CUBN: variants seen among roughly 807,000 people sequenced by gnomAD.
CUBN encodes the protein cubilin.
In CUBN, 282 loss-of-function variants were observed where a neutral mutation model predicts 405.3. That is an observed-to-expected ratio of 0.70 (90% CI 0.63 to 0.77). CUBN has a LOEUF of 0.77. Ranked by LOEUF, CUBN falls within the 30% of genes least tolerant of loss-of-function variation. The pLI, the probability that CUBN is intolerant of heterozygous loss-of-function variation, is 0.00. For missense variants in CUBN, 4,514 were observed against 4,475.2 expected, an observed-to-expected ratio of 1.01 and a Z score of -0.25; for synonymous variants, 1,684 against 1,617.0, an observed-to-expected ratio of 1.04 and a Z score of -0.99.
chr10:17,014,463 G>A (rs1049587867), intron 28 of CUBN, among the ~76,000 whole-genome samples: 2 of 152,100 alleles, frequency 1.3e-5, no homozygotes, highest in Non-Finnish European at 2.9e-5. Context: ...GGGATCCACA[G>A]TCAGCAAAAG....
At chr10:17,118,717 G>A (rs1473427783) in intron 6 of CUBN, among the ~76,000 whole-genome samples, 1 of 152,218 alleles carries the variant, frequency 6.6e-6, no homozygotes, top group Non-Finnish European at 1.5e-5. Context: ...GATTACAGGT[G>A]TGAGCCACCG....
chr10:16,891,451 A>G (rs1302926694), intron 54 of CUBN, among the ~76,000 whole-genome samples: 2 of 152,100 alleles, frequency 1.3e-5, no homozygotes, highest in East Asian at 1.9e-4. Context: ...AGAGAAAACC[A>G]AGGAGGAAGG....
chr10:17,103,197 G>C lies in CUBN; in HGVS notation c.1458C>G (p.Ser486Arg), dbSNP rs757839136. ...ESLSGINGSFSYRSPDVGYVH... is the reference protein window; with the variant it reads ...ESLSGINGSFRYRSPDVGYVH... ...CATAACCAACATCCGGGCTCCTGTAGCTGAAGCTTCCATTTATTCCTGAGA... is the reference window on the plus strand; with the variant it reads ...CATAACCAACATCCGGGCTCCTGTACCTGAAGCTTCCATTTATTCCTGAGA... The change falls in exon 13 of 67, where the codon AGC becomes AGG. Residue 486 changes from serine (S) to arginine (R), a missense_variant. By Grantham distance (110) the Ser-to-Arg change is moderately radical. Around this residue, in one of 5 missense-constraint regions of CUBN, gnomAD observed 1,448 missense variants for 1,388.0 expected, o/e 1.04. Transcript: ENST00000377833. 6.2e-7 allele frequency: 1 copy of C among 1,613,786 alleles called. No homozygotes were observed. The highest frequency in any genetic ancestry group is 8.5e-7 in the Non-Finnish European group (1 of 1,179,760).
intron 53 of CUBN, among the ~76,000 whole-genome samples, chr10:16,899,651 A>G (rs1017085605): frequency 6.6e-6 from 1 of 152,202 alleles, no homozygotes; most frequent in Admixed American, 6.5e-5. Context: ...AAGCAATCTG[A>G]TTGATTCATA....
intron 22 of CUBN, among the ~76,000 whole-genome samples, chr10:17,048,156 C>T (rs1182748809): frequency 1.3e-5 from 2 of 152,186 alleles, no homozygotes; most frequent in African/African-American, 4.8e-5. Context: ...TCTCACATCT[C>T]GCAAATGAAG....
chr10:16,837,073 A>G (rs1839193000), intron 62 of CUBN, among the ~76,000 whole-genome samples: 2 of 151,164 alleles, frequency 1.3e-5, no homozygotes, highest in African/African-American at 4.9e-5. Flanking sequence ...CTGCTTGCAA[A>G]ACTCCTGTAA....
chr10:17,014,315 G>T (rs1378264596), intron 28 of CUBN, among the ~76,000 whole-genome samples: 1 of 152,186 alleles, frequency 6.6e-6, no homozygotes, highest in Non-Finnish European at 1.5e-5. Flanking sequence ...AAAGCTTAAA[G>T]CTGGAGCTTT....
chr10:16,862,501 T>C (rs1840049389), intron 59 of CUBN, among the ~76,000 whole-genome samples: 1 of 152,190 alleles, frequency 6.6e-6, no homozygotes, highest in Non-Finnish European at 1.5e-5. Context: ...CCCTGGGATT[T>C]CCTGACAAGT....
intron 60 of CUBN, 56 bp downstream of exon 60, chr10:16,851,179 C>T (rs1474087838): frequency 1.5e-6 from 2 of 1,376,094 alleles, no homozygotes; most frequent in Non-Finnish European, 2.1e-6. Flanking sequence ...AACTGGAATA[C>T]ACTATATTAG....
intron 28 of CUBN, among the ~76,000 whole-genome samples, chr10:17,014,179 T>C (rs1160538463): frequency 6.6e-6 from 1 of 152,218 alleles, no homozygotes; most frequent in Non-Finnish European, 1.5e-5. Context: ...CCTCTGACTA[T>C]TGCTACTATA....
At position 16,824,274 on chromosome 10, in the gene CUBN, A is replaced by G. The variant is rs1282278547; in HGVS notation, c.*701T>C. 1 of 152,092 alleles carries G rather than the reference A, an allele frequency of 6.6e-6. No individual in the cohort carries two copies. Among genetic ancestry groups the G allele is most frequent in the Non-Finnish European group, 1.5e-5 (1 of 68,086 alleles). The allele number at this position is 152,092 out of a possible 1,614,324, so 9.4% of individuals were successfully genotyped here. A position where few individuals can be genotyped will look rare whatever the true frequency, so the allele number is the denominator to read the frequency against. Reference sequence around the variant, plus strand: ...CACTTTGTTGCCCAGGCTGGTCTCAAACTCCTAGGTTCAAGCAATCCTCCC... The same window carrying G: ...CACTTTGTTGCCCAGGCTGGTCTCAGACTCCTAGGTTCAAGCAATCCTCCC... On this transcript the variant is annotated 3_prime_UTR_variant, in exon 67 of 67. Coordinates refer to ENST00000377833, the MANE Select transcript of CUBN (RefSeq NM_001081.4).
Position 16,904,089 on chromosome 10 carries a change from T to G in CUBN, c.7939A>C (p.Arg2647=). 1 of 1,613,854 alleles carries G rather than the reference T, an allele frequency of 6.2e-7. No individual in the cohort carries two copies. Among genetic ancestry groups the G allele is most frequent in the Non-Finnish European group, 8.5e-7 (1 of 1,179,786 alleles). The stretch of plus-strand genomic sequence containing the variant: ...GTAGGCTTTGAAGGACCACAAAGTC[T>G]CCACATCAGGGGCCCATCAGCATCA... ...VGDADGPLMW[R]LCGPSKPTLP... Residue 2647 remains arginine (R), a synonymous_variant, in exon 51 of 67, where the codon AGA becomes CGA. Transcript: ENST00000377833.
chr10:16,842,465 T>A (rs1265995211), intron 60 of CUBN, among the ~76,000 whole-genome samples: 1 of 152,166 alleles, frequency 6.6e-6, no homozygotes, highest in Admixed American at 6.5e-5. Flanking sequence ...CCCAGAGCCA[T>A]CTTTACCTCA....
Position 17,047,569 on chromosome 10 carries a change from T to C in CUBN, c.3174A>G (p.Thr1058=). 1.2e-6 allele frequency: 2 copies of C among 1,614,080 alleles called. No individual in the cohort carries two copies. The highest frequency in any genetic ancestry group is 1.7e-6 in the Non-Finnish European group (2 of 1,179,956). Residue 1058 remains threonine (T), a synonymous_variant, in exon 23 of 67, where the codon ACA becomes ACG. Coordinates refer to ENST00000377833, the MANE Select transcript of CUBN (RefSeq NM_001081.4). Reference sequence around the variant, plus strand: ...TATTGGGGAAGTTTGGAGAAGTGAATGTCCCCAAATCATCTGTGTAGTCTT... The same window carrying C: ...TATTGGGGAAGTTTGGAGAAGTGAACGTCCCCAAATCATCTGTGTAGTCTT... ...CLQDYTDDLG[T]FTSPNFPNNY...
chr10:16,828,754 A>C, intron 66 of CUBN, 51 bp downstream of exon 66: 1 of 1,408,536 alleles, frequency 7.1e-7, no homozygotes, highest in Non-Finnish European at 1.0e-6. Flanking sequence ...TAAGTGACTC[A>C]TTATTGTCTA....
At chr10:16,918,550 C>T (rs1176933559) in intron 45 of CUBN, 72 bp downstream of exon 45, 7 of 1,185,620 alleles carry the variant, frequency 5.9e-6, no homozygotes, top group South Asian at 2.6e-5. Context: ...CCCCCAAACA[C>T]GAATTTACCT....
At chr10:16,916,075 C>T in intron 45 of CUBN, 45 bp from the exon 46 acceptor site, 1 of 1,575,054 alleles carries the variant, frequency 6.3e-7, no homozygotes, top group Non-Finnish European at 8.7e-7. Flanking sequence ...AGCAAGCAAG[C>T]AAGAAAGATT....
chr10:16,982,578 G>A lies in CUBN; in HGVS notation c.4601C>T (p.Thr1534Ile), dbSNP rs1483963737. 6.2e-7 allele frequency: 1 copy of A among 1,613,706 alleles called. No homozygotes were observed. Among genetic ancestry groups the A allele is most frequent in the Admixed American group, 1.7e-5 (1 of 60,016 alleles). Residue 1534 changes from threonine (T) to isoleucine (I), a missense_variant, in exon 31 of 67, where the codon ACA becomes ATA. By Grantham distance (89) the Thr-to-Ile change is moderately conservative. Around this residue, in one of 5 missense-constraint regions of CUBN, gnomAD observed 1,613 missense variants for 1,542.8 expected, o/e 1.05. Coordinates refer to ENST00000377833, the MANE Select transcript of CUBN (RefSeq NM_001081.4). ...AACCCGAATGACCCAAGAACAGTCT[G>A]TGTTGCTCCTATAAGGACTGGGGTA... ...PNYPSPYRSN[T>I]DCSWVIRVDR...
At chr10:17,053,058 G>C (rs1034356561) in intron 22 of CUBN, among the ~76,000 whole-genome samples, 3 of 151,112 alleles carry the variant, frequency 2.0e-5, no homozygotes, top group African/African-American at 4.9e-5. Flanking sequence ...TATATTTTTA[G>C]ACCTAATGTA....
Sources: gnomAD v4.1 joint callset for allele counts (sites outside exome capture counted in the v4.1 genomes callset) on GRCh38, gnomAD v4.1.1 for gene constraint, gnomAD v4.1.1 regional missense constraint, MANE v1.5 for transcripts, NCBI Gene and HGNC (gene_info 2026-07-23, HGNC 2026-07-21) for gene names.